NMRK2: variants seen among roughly 807,000 people sequenced by gnomAD.
NMRK2 encodes the protein nicotinamide riboside kinase 2.
NMRK2 carries 34 observed loss-of-function variants against 24.7 expected under a neutral mutation model. The observed-to-expected ratio is 1.37, with a 90% CI of 1.05 to 1.83. The LOEUF (loss-of-function observed/expected upper bound fraction) is 1.83, where lower values mean the gene tolerates loss of function less well. Ranked by LOEUF, NMRK2 falls within the 40% of genes most tolerant of loss-of-function variation. The probability of loss-of-function intolerance (pLI) is 0.00; values close to 1 mark genes in which losing one functional copy is unlikely to be tolerated. For synonymous variants in NMRK2, 145 were observed against 125.6 expected (o/e 1.15, Z -1.03); for missense variants, 341 against 315.0 (o/e 1.08, Z -0.62).
chr19:3,937,734 C>T (rs1599161538), intron 4 of NMRK2, among the ~76,000 whole-genome samples: 1 of 92,212 alleles, frequency 1.1e-5, no homozygotes, highest in African/African-American at 4.3e-5. Context: ...CCTCCACTAT[C>T]CCCCGGGGTC....
intron 5 of NMRK2, 85 bp downstream of exon 5, chr19:3,938,844 G>GTTTTTTTTTTTTTTTTTTTT (rs1269335341): frequency 6.0e-6 from 1 of 167,360 alleles, no homozygotes; most frequent in Non-Finnish European, 8.4e-6. Context: ...TTTTTTTTTT[G>GTTTTTTTTTTTTTTTTTTTT]TTTTGTTTTT....
intron 6 of NMRK2, 43 bp downstream of exon 6, chr19:3,940,014 T>G: frequency 5.9e-6 from 9 of 1,521,444 alleles, no homozygotes; most frequent in Non-Finnish European, 8.2e-6. Flanking sequence ...CTGAGGGCCC[T>G]GTCTTGAATT....
At chr19:3,941,606 C>T (rs977045604) in intron 7 of NMRK2, among the ~76,000 whole-genome samples, 15 of 151,802 alleles carry the variant, frequency 9.9e-5, no homozygotes, top group African/African-American at 3.6e-4. Flanking sequence ...GAAACCTGGA[C>T]ATTCCTCCGT....
intron 6 of NMRK2, among the ~76,000 whole-genome samples, chr19:3,940,335 CAAAA>C (rs978999079): frequency 3.2e-5 from 1 of 30,994 alleles, no homozygotes; most frequent in Non-Finnish European, 6.3e-5. Flanking sequence ...GACTCTGTCT[CAAAA>C]AAAAAAAAAA....
At position 3,941,533 on chromosome 19, in the gene NMRK2, G is replaced by A. The variant is rs563801293; in HGVS notation, c.502+356G>A. On this transcript the variant is annotated intron_variant, in intron 7 of 7. Coordinates refer to ENST00000168977, the MANE Select transcript of NMRK2 (RefSeq NM_170678.3). ...CTCCCAACGTGCTGGGATTACAGGCGTGAACCACTGCAGCTGGCCACCATT... is the reference window on the plus strand; with the variant it reads ...CTCCCAACGTGCTGGGATTACAGGCATGAACCACTGCAGCTGGCCACCATT... 7.2e-5 allele frequency among the ~76,000 whole-genome samples: 11 copies of A among 152,082 alleles called. No homozygotes were observed. In the East Asian group the frequency reaches 1.4e-3, roughly 19 times the overall value.
rs1599157194 is a variant in NMRK2 at position 3,933,699 on chromosome 19, T to G, written c.26+2T>G. On this transcript the variant is annotated splice_donor_variant, in intron 2 of 7. Coordinates refer to ENST00000168977, the MANE Select transcript of NMRK2 (RefSeq NM_170678.3). LOFTEE classifies it high-confidence loss of function. Reference sequence around the variant, plus strand: ...GAAGCTCATCGTGGGCATCGGAGGGTGAGCGCCGGGGGACCTGGTGGGCGG... The same window carrying G: ...GAAGCTCATCGTGGGCATCGGAGGGGGAGCGCCGGGGGACCTGGTGGGCGG... 2.8e-6 allele frequency: 4 copies of G among 1,449,130 alleles called. No homozygotes were observed. The highest frequency in any genetic ancestry group is 3.6e-6 in the Non-Finnish European group (4 of 1,100,946). The allele number at this position is 1,449,130 out of a possible 1,614,324, so 89.8% of individuals were successfully genotyped here. A position where few individuals can be genotyped will look rare whatever the true frequency, so the allele number is the denominator to read the frequency against.
At chr19:3,940,578 T>C (rs978946997) in intron 6 of NMRK2, among the ~76,000 whole-genome samples, 2 of 150,572 alleles carry the variant, frequency 1.3e-5, no homozygotes, top group African/African-American at 4.9e-5. Context: ...CTACTAAAAA[T>C]TGAAAAATTA....
intron 5 of NMRK2, among the ~76,000 whole-genome samples, chr19:3,939,676 T>A (rs1188567994): frequency 6.6e-6 from 1 of 152,122 alleles, no homozygotes; most frequent in Non-Finnish European, 1.5e-5. Flanking sequence ...ATTCTGTCTG[T>A]CTGTGCCCGT....
At chr19:3,940,979 T>G in intron 6 of NMRK2, 92 bp from the exon 7 acceptor site, 1 of 812,402 alleles carries the variant, frequency 1.2e-6, no homozygotes, top group Non-Finnish European at 2.0e-6. Context: ...GTTCTGTCCC[T>G]GACTATGACA....
At chr19:3,941,590 C>T (rs117164499) in intron 7 of NMRK2, among the ~76,000 whole-genome samples, 1,688 of 152,028 alleles carry the variant, frequency 0.011, 31 homozygotes, top group Admixed American at 0.043. Flanking sequence ...CCACTCAGGA[C>T]CTTTGGAAAC....
At chr19:3,940,710 G>A (rs2039316024) in intron 6 of NMRK2, among the ~76,000 whole-genome samples, 1 of 149,950 alleles carries the variant, frequency 6.7e-6, no homozygotes, top group Non-Finnish European at 1.5e-5. Context: ...ACTCCAACCT[G>A]GGCAACAGAG....
chr19:3,939,939 C>T lies in NMRK2; in HGVS notation c.363C>T (p.Thr121=), dbSNP rs367875659. 2.9e-5 allele frequency: 47 copies of T among 1,612,162 alleles called. No homozygotes were observed. The highest frequency in any genetic ancestry group is 1.6e-4 in the Middle Eastern group (1 of 6,082). The change falls in exon 6 of 8, where the codon ACC becomes ACT. Residue 121 remains threonine (T), a synonymous_variant. Coordinates refer to ENST00000168977, the MANE Select transcript of NMRK2 (RefSeq NM_170678.3). ...TGTACAGCCGCCGGTACTTCCTGAC[C>T]GTCCCGTATGAAGAGTGCAAGTGGA... ...VDLYSRRYFL[T]VPYEECKWRR...
rs144955421 is a variant in NMRK2, at chr19:3,942,265, A to G, written c.685A>G (p.Ser229Gly). ...CAGGCCTGCAGCGTCCCAGCAGGAC[A>G]GCATGTGAGCGTTTCCCTATGGGGG... ...TARPAASQQDSM is the reference protein window; with the variant it reads ...TARPAASQQDGM Residue 229 changes from serine to glycine, a missense_variant, in exon 8 of 8, where the codon AGC (serine) becomes GGC (glycine). Physicochemically the swap from Ser to Gly is moderately conservative, Grantham distance 56. Coordinates refer to ENST00000168977, the MANE Select transcript of NMRK2 (RefSeq NM_170678.3). 6.8e-6 allele frequency: 11 copies of G among 1,606,764 alleles called. No individual in the cohort carries two copies. Among genetic ancestry groups the G allele is most frequent in the African/African-American group, 6.7e-5 (5 of 74,872 alleles).
At chr19:3,933,393 G>A (rs1006882452) in intron 1 of NMRK2, 65 bp from the exon 2 acceptor site, 5 of 488,768 alleles carry the variant, frequency 1.0e-5, no homozygotes, top group Non-Finnish European at 1.5e-5. Flanking sequence ...AGGGCAGGGA[G>A]GTGGGAGGAG....
chr19:3,933,624 C>T lies in NMRK2; in HGVS notation c.-48C>T, dbSNP rs764903184. The T allele has an allele frequency of 1.3e-6, 2 of 1,517,052 alleles. No homozygotes were observed. The highest frequency in any genetic ancestry group is 1.7e-4 in the Middle Eastern group (1 of 5,806). The allele number at this position is 1,517,052 out of a possible 1,614,324, so 94.0% of individuals were successfully genotyped here. ...CCGGAGCGCACTGCGTGGTCGCACC[C>T]TACCCGGGCTGCCTTGGAAGTCGTC... On this transcript the variant is annotated 5_prime_UTR_variant, in exon 2 of 8. Transcript: ENST00000168977.
At position 3,942,288 on chromosome 19, in the gene NMRK2, G is replaced by C. The variant is rs758433756; in HGVS notation, c.*15G>C. The C allele has an allele frequency of 5.7e-6, 9 of 1,589,898 alleles. No homozygotes were observed. The African/African-American group carries it at 1.2e-4, about 21-fold the overall frequency. ...ACAGCATGTGAGCGTTTCCCTATGG[G>C]GGTGTCTGTACGTAGGAGAGTGGAG... is the stretch of plus-strand genomic sequence containing the variant. On this transcript the variant is annotated 3_prime_UTR_variant, in exon 8 of 8. Transcript: ENST00000168977.
chr19:3,940,982 CTA>C, intron 6 of NMRK2, 87 bp from the exon 7 acceptor site: 1 of 836,772 alleles, frequency 1.2e-6, no homozygotes, highest in South Asian at 1.6e-5. Flanking sequence ...CTGTCCCTGA[CTA>C]TGACAGCTTT....
intron 5 of NMRK2, 63 bp downstream of exon 5, chr19:3,938,822 GTTTTTTTT>G (rs1178177619): frequency 3.8e-5 from 7 of 183,732 alleles, no homozygotes; most frequent in African/African-American, 5.2e-5. Context: ...GCCATCTCTT[GTTTTTTTT>G]TTTTTTTTTT....
intron 7 of NMRK2, among the ~76,000 whole-genome samples, chr19:3,941,408 C>T (rs2039331386): frequency 6.6e-6 from 1 of 151,760 alleles, no homozygotes; most frequent in African/African-American, 2.4e-5. Context: ...AGCCACCACA[C>T]TCGGCCCCTA....
Sources: allele counts gnomAD v4.1 joint callset (sites outside exome capture counted in the v4.1 genomes callset), GRCh38; gene constraint gnomAD v4.1.1; transcripts MANE v1.5; gene names NCBI Gene and HGNC (gene_info 2026-07-23, HGNC 2026-07-21).